The following HSD17B12 variants were observed in gnomAD, a reference collection of about 807,000 sequenced individuals.
HSD17B12 encodes very-long-chain 3-oxoacyl-CoA reductase.
HSD17B12 carries 32 observed loss-of-function variants against 39.3 expected under a neutral mutation model. That is an observed-to-expected ratio of 0.81 (90% CI 0.61 to 1.09). HSD17B12 has a LOEUF of 1.09. Among genes scored for constraint, HSD17B12 ranks in the 50% least tolerant of loss-of-function variants. The pLI, the probability that HSD17B12 is intolerant of heterozygous loss-of-function variation, is 0.00. For synonymous variants in HSD17B12, 150 were observed against 146.7 expected, an observed-to-expected ratio of 1.02 and a Z score of -0.16; for missense variants, 342 against 382.9, an observed-to-expected ratio of 0.89 and a Z score of 0.89.
chr11:43,704,908 C>A (rs556917705), intron 1 of HSD17B12, among the ~76,000 whole-genome samples: 52 of 152,296 alleles, frequency 3.4e-4, no homozygotes, highest in African/African-American at 1.2e-3. Flanking sequence ...CCCTGACCCA[C>A]TCAGTTTGCC....
the HSD17B12 span, among the ~76,000 whole-genome samples, chr11:43,591,823 G>T: frequency 6.6e-6 from 1 of 151,750 alleles, no homozygotes; most frequent in African/African-American, 2.4e-5. Flanking sequence ...ATCTAAGAAG[G>T]TATTTTATTT....
the HSD17B12 span, among the ~76,000 whole-genome samples, chr11:43,630,230 C>T: frequency 6.6e-6 from 1 of 152,050 alleles, no homozygotes; most frequent in African/African-American, 2.4e-5. Context: ...CAATTTCAGC[C>T]TTTTGGTTGT....
chr11:43,806,661 G>T (rs904912638), intron 4 of HSD17B12, among the ~76,000 whole-genome samples: 2 of 152,184 alleles, frequency 1.3e-5, no homozygotes, highest in Admixed American at 6.5e-5. Context: ...TGAAGATAGA[G>T]AGTAGATTGG....
At chr11:43,749,566 G>C (rs1751729551) in intron 1 of HSD17B12, among the ~76,000 whole-genome samples, 1 of 151,986 alleles carries the variant, frequency 6.6e-6, no homozygotes, top group Non-Finnish European at 1.5e-5. Context: ...TCAAGTTGTT[G>C]ATTGGTGAAG....
intron 3 of HSD17B12, among the ~76,000 whole-genome samples, chr11:43,772,973 C>A (rs891422124): frequency 6.6e-6 from 1 of 151,892 alleles, no homozygotes; most frequent in Non-Finnish European, 1.5e-5. Context: ...TAGCTGGGTG[C>A]GGTGGCACGT....
chr11:43,778,591 A>C (rs550283252), intron 3 of HSD17B12, among the ~76,000 whole-genome samples: 10 of 151,548 alleles, frequency 6.6e-5, no homozygotes, highest in African/African-American at 2.4e-4. Context: ...CCTCAATAAA[A>C]TACTGGCAAA....
At chr11:43,583,868 G>A in the HSD17B12 span, among the ~76,000 whole-genome samples, 1 of 152,098 alleles carries the variant, frequency 6.6e-6, no homozygotes, top group Admixed American at 6.5e-5. Context: ...TACTCCTTCC[G>A]GGGGTGTGAG....
At chr11:43,597,377 G>A in the HSD17B12 span, among the ~76,000 whole-genome samples, 2 of 152,196 alleles carry the variant, frequency 1.3e-5, no homozygotes, top group Non-Finnish European at 2.9e-5. Flanking sequence ...TTGGATAAAT[G>A]GGAAGGATAA....
At chr11:43,742,070 C>T (rs1209137522) in intron 1 of HSD17B12, among the ~76,000 whole-genome samples, 1 of 148,270 alleles carries the variant, frequency 6.7e-6, no homozygotes, top group African/African-American at 2.5e-5. Flanking sequence ...GCTGCTATCT[C>T]TGCTACTACT....
In HSD17B12 at chr11:43,742,139, A is replaced by ATATATATT. The variant is rs61178234; in HGVS notation, c.161-8771_161-8770insATATATTT. 4.4e-3 allele frequency among the ~76,000 whole-genome samples: 548 copies of ATATATATT among 123,396 alleles called. 8 individuals are homozygous for ATATATATT. The highest frequency in any genetic ancestry group is 0.015 in the African/African-American group (478 of 32,808). 81.0% of individuals were successfully genotyped at this position (123,396 alleles called of 152,430 possible). A position where few individuals can be genotyped will look rare whatever the true frequency, so the allele number is the denominator to read the frequency against. Reference sequence around the variant, plus strand: ...TATATATATATATATATATATATATATTTTTTTTTTTAAATTGAGACAGGA... The same window carrying ATATATATT: ...TATATATATATATATATATATATATATATATATTTTTTTTTTTTTAAATTGAGACAGGA... On this transcript the variant is annotated intron_variant, in intron 1 of 10. Coordinates refer to ENST00000278353, the MANE Select transcript of HSD17B12 (RefSeq NM_016142.3).
chr11:43,689,169 C>A (rs533600188), intron 1 of HSD17B12, among the ~76,000 whole-genome samples: 1 of 152,258 alleles, frequency 6.6e-6, no homozygotes, highest in African/African-American at 2.4e-5. Context: ...GGAAGGACTT[C>A]AAAAAATTTG....
intron 1 of HSD17B12, among the ~76,000 whole-genome samples, chr11:43,690,383 TATATATATATATA>T (rs1949845881): frequency 1.9e-3 from 26 of 13,614 alleles, no homozygotes; most frequent in African/African-American, 4.4e-3. Context: ...TATATATATA[TATATATATATATA>T]TATATATATT....
chr11:43,579,566 A>G, the HSD17B12 span: 1 of 152,098 alleles, frequency 6.6e-6, no homozygotes, highest in Non-Finnish European at 1.5e-5. Context: ...CGGTCGGCTC[A>G]CTGGTAGTCG....
intron 1 of HSD17B12, among the ~76,000 whole-genome samples, chr11:43,684,347 C>A (rs1949777820): frequency 6.6e-6 from 1 of 152,184 alleles, no homozygotes; most frequent in African/African-American, 2.4e-5. Context: ...AGATTGATAA[C>A]AAAGGTGGTC....
chr11:43,839,314 A>C (rs1951402150), intron 8 of HSD17B12, among the ~76,000 whole-genome samples: 1 of 152,146 alleles, frequency 6.6e-6, no homozygotes, highest in South Asian at 2.1e-4. Context: ...GGCAAATTTA[A>C]AATGAATGCC....
At chr11:43,774,941 C>T (rs1440182541) in intron 3 of HSD17B12, among the ~76,000 whole-genome samples, 1 of 152,110 alleles carries the variant, frequency 6.6e-6, no homozygotes, top group Non-Finnish European at 1.5e-5. Flanking sequence ...TTATTAAGGT[C>T]CCTAATCAGT....
At chr11:43,738,672 A>T (rs1313036163) in intron 1 of HSD17B12, among the ~76,000 whole-genome samples, 5 of 152,202 alleles carry the variant, frequency 3.3e-5, no homozygotes, top group Non-Finnish European at 7.4e-5. Flanking sequence ...ATCCATTCAT[A>T]CAGTAAAACC....
At chr11:43,772,304 A>T (rs1197153185) in intron 3 of HSD17B12, among the ~76,000 whole-genome samples, 2 of 152,244 alleles carry the variant, frequency 1.3e-5, no homozygotes, top group Non-Finnish European at 2.9e-5. Flanking sequence ...TTAAAAGTTC[A>T]TTCTTGAAAA....
intron 1 of HSD17B12, chr11:43,734,522 C>A (rs1950299058): frequency 1.6e-6 from 1 of 608,902 alleles, no homozygotes; most frequent in Non-Finnish European, 2.9e-6. Flanking sequence ...GGAATATCAC[C>A]TACCTGCCAG....
Sources: allele counts gnomAD v4.1 joint callset (sites outside exome capture counted in the v4.1 genomes callset), GRCh38; gene constraint gnomAD v4.1.1; transcripts MANE v1.5; gene names NCBI Gene and HGNC (gene_info 2026-07-23, HGNC 2026-07-21).